The following DGCR8 variants were observed in gnomAD, a reference collection of about 807,000 sequenced individuals.
DGCR8 encodes DGCR8 microprocessor complex subunit, also known as microprocessor complex subunit DGCR8.
Under a neutral mutation model 78.5 loss-of-function variants are expected in DGCR8, and 14 were observed. The ratio of observed to expected loss-of-function variants is 0.18; its 90% confidence interval spans 0.12 to 0.28. The LOEUF (loss-of-function observed/expected upper bound fraction) is 0.28, where lower values mean the gene tolerates loss of function less well. DGCR8 is among the 10% of genes least tolerant of loss of function. The pLI is 1.00. For missense variants in DGCR8, 702 were observed against 1,022.5 expected, an observed-to-expected ratio of 0.69 and a Z score of 4.28; for synonymous variants, 399 against 402.4, an observed-to-expected ratio of 0.99 and a Z score of 0.10.
At chr22:20,091,677 T>C (rs1372921690) in intron 6 of DGCR8, 45 bp downstream of exon 6, 2 of 1,602,782 alleles carry the variant, frequency 1.2e-6, no homozygotes, top group Non-Finnish European at 1.7e-6. Flanking sequence ...GTTATGCTGT[T>C]ATTTCTAATG....
At chr22:20,096,553 G>T in intron 9 of DGCR8, 1 of 923,848 alleles carries the variant, frequency 1.1e-6, no homozygotes, top group Non-Finnish European at 1.3e-6. Flanking sequence ...CTATAAATTT[G>T]GCCTTTTAAA....
chr22:20,081,843 CCT>C (rs2049421695), intron 1 of DGCR8, among the ~76,000 whole-genome samples: 1 of 152,140 alleles, frequency 6.6e-6, no homozygotes, highest in Admixed American at 6.6e-5. Flanking sequence ...CCCTTTGATT[CCT>C]CTCTTTCTTA....
chr22:20,090,281 CCTT>C, intron 5 of DGCR8, 23 bp downstream of exon 5: 1 of 1,567,912 alleles, frequency 6.4e-7, no homozygotes. Flanking sequence ...AGGACTCTTC[CCTT>C]CTTGCCTCCT....
In DGCR8 at chr22:20,091,873, T is replaced by C; in HGVS notation, c.1509T>C (p.Phe503=). 6.2e-7 allele frequency: 1 copy of C among 1,614,070 alleles called. No individual in the cohort carries two copies. The highest frequency in any genetic ancestry group is 8.5e-7 in the Non-Finnish European group (1 of 1,179,958). Reference sequence around the variant, plus strand: ...AGATGGTTCTTTTTGTCACAGAGTTTGTTATTAACCCCAACGGGAAATCCG... The same window carrying C: ...AGATGGTTCTTTTTGTCACAGAGTTCGTTATTAACCCCAACGGGAAATCCG... The part of the protein sequence containing the change: ...SVQDAPTKKE[F]VINPNGKSEV... Residue 503 remains phenylalanine, a synonymous_variant, in exon 7 of 14, where the codon TTT becomes TTC. Coordinates refer to ENST00000351989, the MANE Select transcript of DGCR8 (RefSeq NM_022720.7).
At position 20,110,327 on chromosome 22, in the gene DGCR8, C is replaced by G; in HGVS notation, c.*219C>G. ...GCGGCTCTCCCTGGAAAGCTCCAGGCCTGAATGGATGGACTCAGCGACTGC... is the reference window on the plus strand; with the variant it reads ...GCGGCTCTCCCTGGAAAGCTCCAGGGCTGAATGGATGGACTCAGCGACTGC... On this transcript the variant is annotated 3_prime_UTR_variant, in exon 14 of 14. Coordinates refer to ENST00000351989, the MANE Select transcript of DGCR8 (RefSeq NM_022720.7). The G allele has an allele frequency of 1.8e-6, 1 of 553,550 alleles. No individual in the cohort carries two copies. Among genetic ancestry groups the G allele is most frequent in the African/African-American group, 1.9e-5 (1 of 52,760 alleles). The allele number at this position is 553,550 out of a possible 1,614,324, so 34.3% of individuals were successfully genotyped here.
intron 9 of DGCR8, among the ~76,000 whole-genome samples, chr22:20,104,157 CTTTT>C (rs1220884827): frequency 2.9e-5 from 4 of 136,018 alleles, no homozygotes; most frequent in African/African-American, 8.0e-5. Flanking sequence ...TGGTGTCGGT[CTTTT>C]TTTTTTTTTT....
intron 1 of DGCR8, among the ~76,000 whole-genome samples, chr22:20,084,145 G>A (rs1410853358): frequency 1.3e-5 from 2 of 152,212 alleles, no homozygotes; most frequent in Admixed American, 6.5e-5. Flanking sequence ...GTTGTTAAAT[G>A]TATTGATTAA....
intron 12 of DGCR8, 94 bp downstream of exon 12, chr22:20,107,492 G>A (rs2049784659): frequency 2.0e-6 from 3 of 1,509,514 alleles, no homozygotes; most frequent in African/African-American, 1.4e-5. Flanking sequence ...GAGCTGGGCA[G>A]CTCTGCTGTT....
chr22:20,099,306 A>G (rs907496304), intron 9 of DGCR8, among the ~76,000 whole-genome samples: 3 of 152,196 alleles, frequency 2.0e-5, no homozygotes, highest in Non-Finnish European at 2.9e-5. Context: ...TGTTTGCCCA[A>G]CTAGTGCCCC....
At chr22:20,094,598 C>T (rs1240253391) in intron 8 of DGCR8, 115 bp from the exon 9 acceptor site, 5 of 914,014 alleles carry the variant, frequency 5.5e-6, no homozygotes, top group Non-Finnish European at 8.8e-6. Flanking sequence ...TCCTCAGGGC[C>T]CTCGCTCAGC....
intron 9 of DGCR8, among the ~76,000 whole-genome samples, chr22:20,097,713 G>C (rs935900064): frequency 4.0e-5 from 6 of 151,530 alleles, no homozygotes; most frequent in Admixed American, 2.0e-4. Flanking sequence ...TCTTCTGTTG[G>C]CTCACATTCT....
At chr22:20,101,124 A>AT (rs1487838671) in intron 9 of DGCR8, 2 of 917,118 alleles carry the variant, frequency 2.2e-6, no homozygotes, top group African/African-American at 3.6e-5. Flanking sequence ...TTGAATCACA[A>AT]AAGACAAACC....
At position 20,080,334 on chromosome 22, in the gene DGCR8, C is replaced by G; in HGVS notation, c.-327C>G. ...GCGGCGGTCGGTCGGTGAGGCTTTCCCGGCTGTGGTTTGGCTGCGGGCGGC... is the reference window on the plus strand; with the variant it reads ...GCGGCGGTCGGTCGGTGAGGCTTTCGCGGCTGTGGTTTGGCTGCGGGCGGC... On this transcript the variant is annotated 5_prime_UTR_variant, in exon 1 of 14. Coordinates refer to ENST00000351989, the MANE Select transcript of DGCR8 (RefSeq NM_022720.7). The G allele has an allele frequency of 1.0e-6, 1 of 980,988 alleles. No individual in the cohort carries two copies. The highest frequency in any genetic ancestry group is 4.7e-5 in the South Asian group (1 of 21,278). The allele number at this position is 980,988 out of a possible 1,614,324, so 60.8% of individuals were successfully genotyped here.
intron 9 of DGCR8, chr22:20,100,812 C>T (rs1374557802): frequency 5.1e-6 from 5 of 985,260 alleles, no homozygotes; most frequent in East Asian, 1.1e-4. Context: ...ACCCCTACTC[C>T]GATCCTCCCA....
At chr22:20,101,225 A>G in intron 9 of DGCR8, 1 of 985,412 alleles carries the variant, frequency 1.0e-6, no homozygotes, top group Non-Finnish European at 1.2e-6. Flanking sequence ...GCCTTGGTTT[A>G]GGGTGCCTTT....
Position 20,092,816 on chromosome 22 carries a change from A to G in DGCR8, c.1614A>G (p.Pro538=). 1 of 1,612,912 alleles carries G rather than the reference A, an allele frequency of 6.2e-7. No individual in the cohort carries two copies. Among genetic ancestry groups the G allele is most frequent in the Non-Finnish European group, 8.5e-7 (1 of 1,179,412 alleles). Residue 538 remains proline, a synonymous_variant, in exon 8 of 14, where the codon CCA becomes CCG. Coordinates refer to ENST00000351989, the MANE Select transcript of DGCR8 (RefSeq NM_022720.7). Reference sequence around the variant, plus strand: ...AGTAATTTTAATTTTAAGAGAACCCAAGTGAGCCTTTTGGTGCCTCGGTGA... The same window carrying G: ...AGTAATTTTAATTTTAAGAGAACCCGAGTGAGCCTTTTGGTGCCTCGGTGA... The part of the protein sequence containing the change: ...PVYNFFECEN[P]SEPFGASVTI...
In DGCR8 at chr22:20,090,139, A is replaced by T. The variant is rs764262842; in HGVS notation, c.1187A>T (p.Asp396Val). 1.9e-6 allele frequency: 3 copies of T among 1,613,936 alleles called. No homozygotes were observed. The highest frequency in any genetic ancestry group is 2.2e-5 in the East Asian group (1 of 44,854). The change falls in exon 5 of 14, where the codon GAC (aspartate) becomes GTC (valine). Residue 396 changes from aspartate to valine, a missense_variant. Coordinates refer to ENST00000351989, the MANE Select transcript of DGCR8 (RefSeq NM_022720.7). ...AELEFPLDEP[D>V]SMGADPGPPD... is the part of the protein sequence containing the mutation. ...CTGGAGTTTCCCCTGGATGAGCCTGACTCTATGGGTGCTGACCCGGGGCCC... is the reference window on the plus strand; with the variant it reads ...CTGGAGTTTCCCCTGGATGAGCCTGTCTCTATGGGTGCTGACCCGGGGCCC...
rs187939854 is a variant in DGCR8, at chr22:20,085,658, T to C, written c.-277-29T>C. 3.1e-6 allele frequency: 4 copies of C among 1,287,030 alleles called. No individual in the cohort carries two copies. In the Admixed American group the frequency reaches 1.5e-4, roughly 49 times the overall value. The allele number at this position is 1,287,030 out of a possible 1,614,324, so 79.7% of individuals were successfully genotyped here. On this transcript the variant is annotated intron_variant, in intron 1 of 13. Coordinates refer to ENST00000351989, the MANE Select transcript of DGCR8 (RefSeq NM_022720.7). This position sits in a 1 kb window ranked among gnomAD's most constrained non-coding sequence, Gnocchi z 6.2. ...GGGAATTGGAAGGTTTCTGTCATTT[T>C]GTGACGATATTTTTAAATTTCTTTG... is the stretch of plus-strand genomic sequence containing the variant.
Position 20,110,130 on chromosome 22 carries a change from CGCGGGG to C in DGCR8, c.*25_*30del. The stretch of plus-strand genomic sequence containing the variant: ...GTGAGGGAGGTGGCACGGGCCAGGG[CGCGGGG>C]GCCGCCAGCCGCACTTCTGAGGAGA... On this transcript the variant is annotated 3_prime_UTR_variant, in exon 14 of 14. Coordinates refer to ENST00000351989, the MANE Select transcript of DGCR8 (RefSeq NM_022720.7). The C allele has an allele frequency of 6.2e-7, 1 of 1,600,596 alleles. No individual in the cohort carries two copies. Among genetic ancestry groups the C allele is most frequent in the Non-Finnish European group, 8.5e-7 (1 of 1,178,158 alleles).
Sources: allele counts gnomAD v4.1 joint callset (sites outside exome capture counted in the v4.1 genomes callset), GRCh38; gene constraint gnomAD v4.1.1; non-coding constraint Gnocchi (gnomAD v3.1); transcripts MANE v1.5; gene names NCBI Gene and HGNC (gene_info 2026-07-23, HGNC 2026-07-21).